TET3: variants seen among roughly 807,000 people sequenced by gnomAD.
TET3 encodes methylcytosine dioxygenase TET3.
In TET3, 19 loss-of-function variants were observed where a neutral mutation model predicts 141.4. The ratio of observed to expected loss-of-function variants is 0.13; its 90% CI spans 0.09 to 0.20. The LOEUF (loss-of-function observed/expected upper bound fraction) is 0.20. Among genes scored for constraint, TET3 ranks in the 10% least tolerant of loss-of-function variants. The pLI, the probability that TET3 is intolerant of heterozygous loss-of-function variation, is 1.00. For missense variants in TET3, 1,874 were observed against 2,356.9 expected, an observed-to-expected ratio of 0.80 and a Z score of 4.24; for synonymous variants, 1,043 against 980.9, an observed-to-expected ratio of 1.06 and a Z score of -1.18.
rs1558744698 is a variant in TET3 at position 74,047,561 on chromosome 2, C to T, written c.1644C>T (p.Phe548=). The T allele has an allele frequency of 2.5e-6, 4 of 1,613,948 alleles. No individual in the cohort carries two copies. Among genetic ancestry groups the T allele is most frequent in the East Asian group, 4.5e-5 (2 of 44,886 alleles). Residue 548 remains phenylalanine, a synonymous_variant, in exon 4 of 12, where the codon TTC becomes TTT. Transcript: ENST00000409262. ...TAGAACAGGTGCACGACACCTCCTT[C>T]CCTGCTCCTTCAGAGCCTTCTGCTC... is the stretch of plus-strand genomic sequence containing the variant. The part of the protein sequence containing the change: ...LFLEQVHDTS[F]PAPSEPSAPG...
chr2:74,069,888 G>A (rs1441954419), intron 4 of TET3, among the ~76,000 whole-genome samples: 5 of 152,134 alleles, frequency 3.3e-5, no homozygotes, highest in East Asian at 1.9e-4. Context: ...GTGAGCCACC[G>A]TGCCCCGACC....
upstream of TET3, among the ~76,000 whole-genome samples, chr2:73,984,635 A>T (rs1358846970): frequency 6.6e-6 from 1 of 151,632 alleles, no homozygotes; most frequent in East Asian, 2.0e-4. This position sits in a 1 kb window ranked among gnomAD's most constrained non-coding sequence, Gnocchi z 5.6. Flanking sequence ...CCGGAGGGCG[A>T]GGGTGGCCAA....
chr2:74,080,975 G>T (rs1689788682), intron 6 of TET3, among the ~76,000 whole-genome samples: 1 of 152,200 alleles, frequency 6.6e-6, no homozygotes, highest in South Asian at 2.1e-4. Context: ...ACTGTGGACT[G>T]TCAGACTCCT....
intron 4 of TET3, among the ~76,000 whole-genome samples, chr2:74,061,652 C>A (rs1404456605): frequency 6.7e-6 from 1 of 150,218 alleles, no homozygotes; most frequent in Admixed American, 6.6e-5. Flanking sequence ...ACGCTCCTCA[C>A]TTCCCAGACG....
At chr2:74,002,746 T>A in intron 2 of TET3, 1 of 536,986 alleles carries the variant, frequency 1.9e-6, no homozygotes. Context: ...GTGCGCTCCC[T>A]CCGGCGGGGA....
At chr2:74,036,221 T>C (rs1687050868) in intron 3 of TET3, among the ~76,000 whole-genome samples, 1 of 152,210 alleles carries the variant, frequency 6.6e-6, no homozygotes, top group Non-Finnish European at 1.5e-5. Flanking sequence ...CTAACTTGCT[T>C]ATGGTCACAC....
intron 4 of TET3, among the ~76,000 whole-genome samples, chr2:74,069,503 A>C (rs150284797): frequency 1.3e-5 from 2 of 151,874 alleles, no homozygotes; most frequent in Non-Finnish European, 2.9e-5. Context: ...ATGAAATTTT[A>C]TAAAATGAAC....
chr2:74,034,403 A>G (rs1306761822), intron 3 of TET3, among the ~76,000 whole-genome samples: 3 of 151,864 alleles, frequency 2.0e-5, no homozygotes, highest in East Asian at 1.9e-4. Flanking sequence ...CCCCAGCCCT[A>G]TCTCCCTTCT....
intron 2 of TET3, among the ~76,000 whole-genome samples, chr2:73,991,175 T>G (rs1205629517): frequency 6.7e-6 from 1 of 149,154 alleles, no homozygotes; most frequent in Non-Finnish European, 1.5e-5. Flanking sequence ...AACTGGTGAA[T>G]TACAATTTTT....
At chr2:74,131,694 CTG>C in the TET3 span, among the ~76,000 whole-genome samples, 1 of 152,210 alleles carries the variant, frequency 6.6e-6, no homozygotes, top group African/African-American at 2.4e-5. Context: ...AAACCGCACA[CTG>C]TTTTTAAAAC....
intron 4 of TET3, among the ~76,000 whole-genome samples, chr2:74,070,558 A>G (rs966563921): frequency 1.3e-5 from 2 of 152,258 alleles, no homozygotes; most frequent in African/African-American, 4.8e-5. Context: ...GTAGTCAACC[A>G]TGCTGTTGCA....
chr2:74,035,742 T>C (rs1040878215), intron 3 of TET3, among the ~76,000 whole-genome samples: 4 of 143,402 alleles, frequency 2.8e-5, no homozygotes, highest in Non-Finnish European at 6.1e-5. Context: ...AAGTATGTGG[T>C]GGCTCCTGCC....
intron 5 of TET3, among the ~76,000 whole-genome samples, chr2:74,076,212 T>G (rs1028122645): frequency 6.6e-5 from 10 of 152,142 alleles, no homozygotes; most frequent in African/African-American, 2.4e-4. Flanking sequence ...TGTAGACTCT[T>G]CAGAAACTGA....
the TET3 span, among the ~76,000 whole-genome samples, chr2:74,134,083 T>TA: frequency 3.9e-5 from 6 of 152,158 alleles, no homozygotes; most frequent in Non-Finnish European, 8.8e-5. Flanking sequence ...AGCCCACTCT[T>TA]AAGAGAAAGA....
chr2:74,129,831 C>T, the TET3 span, among the ~76,000 whole-genome samples: 74 of 151,148 alleles, frequency 4.9e-4, no homozygotes, highest in Middle Eastern at 0.031. Flanking sequence ...CAGTGGCTCA[C>T]GCCTATAATC....
the TET3 span, among the ~76,000 whole-genome samples, chr2:74,118,991 T>C: frequency 6.6e-6 from 1 of 152,226 alleles, no homozygotes; most frequent in African/African-American, 2.4e-5. Context: ...ACACCATGCA[T>C]GTAAGTTGTA....
the TET3 span, among the ~76,000 whole-genome samples, chr2:74,116,624 G>A: frequency 6.7e-6 from 1 of 149,096 alleles, no homozygotes; most frequent in East Asian, 2.0e-4. Context: ...GGTGGAGGTT[G>A]CAGTGAGCCC....
chr2:74,048,203 G>A lies in TET3; in HGVS notation c.2286G>A (p.Ser762=), dbSNP rs566225972. Residue 762 remains serine, a synonymous_variant, in exon 4 of 12, where the codon TCG becomes TCA. Coordinates refer to ENST00000409262, the MANE Select transcript of TET3 (RefSeq NM_001287491.2). The part of the protein sequence containing the change: ...RSPKQIKIES[S]GAVTVLSTTC... ...CCAAGCAAATCAAGATTGAGTCTTC[G>A]GGGGCTGTGACTGTGCTCTCAACCA... The A allele has an allele frequency of 2.2e-5, 36 of 1,612,308 alleles. No individual in the cohort carries two copies. The highest frequency in any genetic ancestry group is 2.0e-4 in the South Asian group (18 of 90,808).
chr2:74,124,700 C>G, the TET3 span, among the ~76,000 whole-genome samples: 2 of 152,056 alleles, frequency 1.3e-5, no homozygotes, highest in Non-Finnish European at 2.9e-5. Flanking sequence ...GCAAGATGTG[C>G]TTTGTTAAAT....
Sources: gnomAD v4.1 joint callset for allele counts (sites outside exome capture counted in the v4.1 genomes callset) on GRCh38, gnomAD v4.1.1 for gene constraint, Gnocchi (gnomAD v3.1) non-coding constraint, MANE v1.5 for transcripts, NCBI Gene and HGNC (gene_info 2026-07-23, HGNC 2026-07-21) for gene names.